The following ZDHHC14 variants were observed in gnomAD, a reference collection of about 807,000 sequenced individuals.
ZDHHC14 encodes palmitoyltransferase ZDHHC14.
ZDHHC14 carries 16 observed loss-of-function variants against 47.7 expected under a neutral mutation model. That is an observed-to-expected ratio of 0.34 (90% CI 0.23 to 0.51). The LOEUF (loss-of-function observed/expected upper bound fraction) is 0.51. ZDHHC14 is among the 20% of genes least tolerant of loss of function. ZDHHC14 has a pLI of 0.97. For missense variants in ZDHHC14, 515 were observed against 662.5 expected (o/e 0.78, Z 2.44); for synonymous variants, 293 against 278.9 (o/e 1.05, Z -0.50).
At chr6:157,652,639 G>A (rs1777892813) in intron 7 of ZDHHC14, among the ~76,000 whole-genome samples, 1 of 152,236 alleles carries the variant, frequency 6.6e-6, no homozygotes, top group Non-Finnish European at 1.5e-5. Context: ...TCAGAAACTT[G>A]TCTGTGGGAC....
chr6:157,488,680 T>C (rs1779838461), intron 1 of ZDHHC14, among the ~76,000 whole-genome samples: 1 of 152,232 alleles, frequency 6.6e-6, no homozygotes, highest in South Asian at 2.1e-4. Flanking sequence ...AAATGTCCTA[T>C]CAGTACTCAC....
rs552931281 is a variant in ZDHHC14, at chr6:157,431,142, T to C, written c.245+48876T>C. 2.6e-5 allele frequency among the ~76,000 whole-genome samples: 4 copies of C among 152,324 alleles called. No individual in the cohort carries two copies. The East Asian group carries it at 7.7e-4, about 29-fold the overall frequency. On this transcript the variant is annotated intron_variant, in intron 1 of 8. Transcript: ENST00000359775. ...TTGTAAGCCAGCACTTACATCAGGCTCTGTGCAATTGTTTGAATTTAATCT... is the reference window on the plus strand; with the variant it reads ...TTGTAAGCCAGCACTTACATCAGGCCCTGTGCAATTGTTTGAATTTAATCT...
At chr6:157,414,029 T>C (rs899953046) in intron 1 of ZDHHC14, among the ~76,000 whole-genome samples, 2 of 152,106 alleles carry the variant, frequency 1.3e-5, no homozygotes, top group Admixed American at 6.5e-5. Context: ...CTCCAACTCC[T>C]GGGTTCAAGC....
At chr6:157,479,416 C>T (rs1230303706) in intron 1 of ZDHHC14, among the ~76,000 whole-genome samples, 8 of 152,156 alleles carry the variant, frequency 5.3e-5, no homozygotes, top group Admixed American at 3.9e-4. Flanking sequence ...TTCTGACAAT[C>T]GGTTTCCAAC....
chr6:157,542,217 A>AG (rs1781792058), intron 1 of ZDHHC14, among the ~76,000 whole-genome samples: 1 of 152,194 alleles, frequency 6.6e-6, no homozygotes, highest in African/African-American at 2.4e-5. Flanking sequence ...AGGGGAGGGC[A>AG]GGGGGATCTC....
At chr6:157,452,310 T>A (rs1778821895) in intron 1 of ZDHHC14, among the ~76,000 whole-genome samples, 1 of 151,848 alleles carries the variant, frequency 6.6e-6, no homozygotes, top group South Asian at 2.1e-4. Flanking sequence ...ACCACTTAAA[T>A]CACCTGCTGC....
chr6:157,673,510 T>A lies in ZDHHC14; in HGVS notation c.*388T>A. ...ATGCTACTAATATTTGAAACAGACC[T>A]GCCATTCCATTTGTTAATTAAAAAA... On this transcript the variant is annotated 3_prime_UTR_variant, in exon 9 of 9. Coordinates refer to ENST00000359775, the MANE Select transcript of ZDHHC14 (RefSeq NM_024630.3). This position sits in a 1 kb window ranked among gnomAD's most constrained non-coding sequence, Gnocchi z 5.4. 1 of 188,244 alleles carries A rather than the reference T, an allele frequency of 5.3e-6. No homozygotes were observed. The highest frequency in any genetic ancestry group is 1.1e-5 in the Non-Finnish European group (1 of 93,548). The allele number at this position is 188,244 out of a possible 1,614,324, so 11.7% of individuals were successfully genotyped here.
At chr6:157,456,188 C>T (rs1051076953) in intron 1 of ZDHHC14, among the ~76,000 whole-genome samples, 2 of 152,176 alleles carry the variant, frequency 1.3e-5, no homozygotes, top group Non-Finnish European at 2.9e-5. Context: ...TGCCACGGCG[C>T]GTGGCCCTAG....
chr6:157,543,453 C>T (rs982622766), intron 2 of ZDHHC14, among the ~76,000 whole-genome samples: 2 of 152,026 alleles, frequency 1.3e-5, no homozygotes, highest in Non-Finnish European at 2.9e-5. Flanking sequence ...ACAAGCATGG[C>T]AGAGGAGCTG....
intron 1 of ZDHHC14, among the ~76,000 whole-genome samples, chr6:157,449,012 A>C (rs958328470): frequency 2.0e-5 from 3 of 152,252 alleles, no homozygotes; most frequent in Non-Finnish European, 4.4e-5. Context: ...GCTGTGAAGC[A>C]GAAAGGCCAG....
chr6:157,417,172 TGGGTGTAC>T (rs781103905), intron 1 of ZDHHC14, among the ~76,000 whole-genome samples: 32 of 151,958 alleles, frequency 2.1e-4, no homozygotes, highest in Admixed American at 6.6e-4. Flanking sequence ...TGTATCTATG[TGGGTGTAC>T]GGGTGCTCGT....
intron 1 of ZDHHC14, among the ~76,000 whole-genome samples, chr6:157,399,102 G>A (rs555138009): frequency 2.0e-5 from 3 of 152,316 alleles, no homozygotes; most frequent in Admixed American, 6.5e-5. Flanking sequence ...AGCAGTTAGC[G>A]GGGTGGATAA....
intron 1 of ZDHHC14, among the ~76,000 whole-genome samples, chr6:157,416,980 T>TTG (rs1554256466): frequency 4.7e-5 from 5 of 107,034 alleles, no homozygotes; most frequent in Admixed American, 4.7e-4. Context: ...TAGTTTTTTT[T>TTG]TTTTTTTTTT....
Position 157,653,525 on chromosome 6 carries a change from C to G in ZDHHC14, c.966C>G (p.Ser322Arg). The G allele has an allele frequency of 6.2e-7, 1 of 1,613,658 alleles. No homozygotes were observed. The highest frequency in any genetic ancestry group is 1.1e-5 in the South Asian group (1 of 91,074). Reference protein sequence around the residue: ...CVALCGPISPSLIDRRGYIQP... With the variant: ...CVALCGPISPRLIDRRGYIQP... ...TGCTGTGTTTTCTTTTCTCTCGCAG[C>G]CTGATCGACAGAAGAGGGTACATCC... The change falls in exon 8 of 9, where the codon AGC (serine) becomes AGG (arginine). Residue 322 changes from serine to arginine, a missense_variant and splice_region_variant. This residue lies in a region of ZDHHC14 where 229 missense variants were observed against 351.5 expected (regional missense o/e 0.65). Transcript: ENST00000359775.
intron 1 of ZDHHC14, among the ~76,000 whole-genome samples, chr6:157,534,474 GT>G (rs773512361): frequency 5.3e-5 from 8 of 152,174 alleles, no homozygotes; most frequent in Non-Finnish European, 7.3e-5. Context: ...GCAAAACAGT[GT>G]TGGCTTTCCC....
rs544914820 is a variant in ZDHHC14, at chr6:157,502,274, G to A, written c.246-40311G>A. Among the ~76,000 whole-genome samples the A allele has an allele frequency of 2.6e-5, 4 of 152,230 alleles. No homozygotes were observed. Among genetic ancestry groups the A allele is most frequent in the Admixed American group, 1.3e-4 (2 of 15,270 alleles). Reference sequence around the variant, plus strand: ...AGACCAAGAAAGTCATTATAGAAACGGCAAGAAGACCATTGCATGTAAGCA... The same window carrying A: ...AGACCAAGAAAGTCATTATAGAAACAGCAAGAAGACCATTGCATGTAAGCA... On this transcript the variant is annotated intron_variant, in intron 1 of 8. Transcript: ENST00000359775. The surrounding 1 kb of genome is among the most constrained non-coding windows in gnomAD (Gnocchi z 4.0).
chr6:157,561,199 A>G (rs182387372), intron 2 of ZDHHC14, among the ~76,000 whole-genome samples: 3 of 152,006 alleles, frequency 2.0e-5, no homozygotes, highest in Admixed American at 6.5e-5. Context: ...ACTCTGCTTC[A>G]TTGAAAACAA....
chr6:157,421,517 A>AAAT (rs1778105096), intron 1 of ZDHHC14, among the ~76,000 whole-genome samples: 1 of 138,476 alleles, frequency 7.2e-6, no homozygotes, highest in African/African-American at 2.7e-5. Flanking sequence ...AAAAAAAAAA[A>AAAT]GATAAAAGCA....
chr6:157,518,790 G>A (rs1257469444), intron 1 of ZDHHC14, among the ~76,000 whole-genome samples: 2 of 152,146 alleles, frequency 1.3e-5, no homozygotes, highest in African/African-American at 2.4e-5. Context: ...TGGCTTCCCC[G>A]CCACCGTGGA....
Sources: allele counts gnomAD v4.1 joint callset (sites outside exome capture counted in the v4.1 genomes callset), GRCh38; gene constraint gnomAD v4.1.1; regional missense constraint gnomAD v4.1.1; non-coding constraint Gnocchi (gnomAD v3.1); transcripts MANE v1.5; gene names NCBI Gene and HGNC (gene_info 2026-07-23, HGNC 2026-07-21).